ALK: variants seen among roughly 807,000 people sequenced by gnomAD.
ALK encodes the protein ALK receptor tyrosine kinase.
ALK carries 74 observed loss-of-function variants against 163.1 expected under a neutral mutation model. That is an observed-to-expected ratio of 0.45 (90% CI 0.38 to 0.55). The LOEUF is 0.55. Among genes scored for constraint, ALK ranks in the 20% least tolerant of loss-of-function variants. ALK has a pLI of 0.00. For synonymous variants in ALK, 960 were observed against 843.2 expected (o/e 1.14, Z -2.40); for missense variants, 2,063 against 2,105.3 (o/e 0.98, Z 0.39).
intron 3 of ALK, among the ~76,000 whole-genome samples, chr2:29,628,478 A>T (rs1195018447): frequency 6.6e-6 from 1 of 152,212 alleles, no homozygotes; most frequent in Non-Finnish European, 1.5e-5. Context: ...AGCCAAACTT[A>T]CGAGCTGGAG....
intron 1 of ALK, among the ~76,000 whole-genome samples, chr2:29,860,806 A>G (rs577839433): frequency 6.6e-6 from 1 of 152,224 alleles, no homozygotes; most frequent in Non-Finnish European, 1.5e-5. Flanking sequence ...AGGGAAATTT[A>G]AAAATATCTT....
chr2:29,230,206 C>T (rs1039872653), intron 15 of ALK, among the ~76,000 whole-genome samples: 2 of 152,032 alleles, frequency 1.3e-5, no homozygotes, highest in African/African-American at 2.4e-5. Context: ...ACATATAATA[C>T]CCAATACAGG....
chr2:29,605,533 C>G (rs576626209), intron 3 of ALK, among the ~76,000 whole-genome samples: 3 of 152,252 alleles, frequency 2.0e-5, no homozygotes, highest in African/African-American at 7.2e-5. Context: ...GATGAAGTCA[C>G]GAAAGGTGGG....
intron 1 of ALK, among the ~76,000 whole-genome samples, chr2:29,769,509 C>T (rs902625608): frequency 2.0e-5 from 3 of 152,136 alleles, no homozygotes; most frequent in Non-Finnish European, 2.9e-5. Context: ...AGGGCACAGA[C>T]GAGTGCACCA....
At chr2:29,701,378 T>G (rs1393152502) in intron 2 of ALK, among the ~76,000 whole-genome samples, 1 of 152,170 alleles carries the variant, frequency 6.6e-6, no homozygotes, top group Non-Finnish European at 1.5e-5. Context: ...TCCAGGTGAA[T>G]GTAGGGTGGC....
chr2:29,762,116 T>C (rs1011267444), intron 1 of ALK, among the ~76,000 whole-genome samples: 2 of 152,232 alleles, frequency 1.3e-5, no homozygotes, highest in East Asian at 3.8e-4. Flanking sequence ...TCTTTAAAGT[T>C]GGTTTTCCCT....
chr2:29,581,860 C>T (rs760442564), intron 3 of ALK, among the ~76,000 whole-genome samples: 1 of 152,200 alleles, frequency 6.6e-6, no homozygotes, highest in Non-Finnish European at 1.5e-5. Context: ...GTCCATCCTG[C>T]CTTGTTTCCT....
chr2:29,758,748 CT>C lies in ALK; in HGVS notation c.668-41052del, dbSNP rs1416525622. Among the ~76,000 whole-genome samples, 142 of 152,266 alleles carry C rather than the reference CT, an allele frequency of 9.3e-4. 2 individuals carry two copies. The highest frequency in any genetic ancestry group is 9.1e-3 in the Admixed American group (139 of 15,300). Reference sequence around the variant, plus strand: ...CATTCTTCTTCTTCAATTAAAAAGGCTTTAGCCAAAATGAATTCCTACCTCT... The same window carrying C: ...CATTCTTCTTCTTCAATTAAAAAGGCTTAGCCAAAATGAATTCCTACCTCT... On this transcript the variant is annotated intron_variant, in intron 1 of 28. Transcript: ENST00000389048.
intron 4 of ALK, among the ~76,000 whole-genome samples, chr2:29,501,634 C>T (rs923573190): frequency 6.6e-6 from 1 of 152,196 alleles, no homozygotes; most frequent in Admixed American, 6.5e-5. Flanking sequence ...TTGCCTCAAG[C>T]TCTCTCTGGA....
chr2:29,535,678 A>G (rs781506060), intron 3 of ALK, among the ~76,000 whole-genome samples: 3 of 152,186 alleles, frequency 2.0e-5, no homozygotes, highest in Non-Finnish European at 4.4e-5. Flanking sequence ...TGGAATCAGA[A>G]GGACTAAACT....
intron 5 of ALK, among the ~76,000 whole-genome samples, chr2:29,362,642 C>T (rs1468254221): frequency 6.6e-6 from 1 of 152,178 alleles, no homozygotes; most frequent in Non-Finnish European, 1.5e-5. Context: ...TCATCCTTCA[C>T]ACAGTCACTG....
In ALK at chr2:29,475,095, G is replaced by A. The variant is rs1225014794; in HGVS notation, c.1154+56820C>T. On this transcript the variant is annotated intron_variant, in intron 4 of 28. Coordinates refer to ENST00000389048, the MANE Select transcript of ALK (RefSeq NM_004304.5). ...TCACTCATCTTCCCTATGAGTCTCT[G>A]AGCCCTTCCGCTGACTTCCTGCAGA... 4.6e-5 allele frequency among the ~76,000 whole-genome samples: 7 copies of A among 152,168 alleles called. No individual in the cohort carries two copies. In the East Asian group the frequency reaches 1.4e-3, roughly 30 times the overall value.
intron 1 of ALK, among the ~76,000 whole-genome samples, chr2:29,803,815 C>T (rs1038947247): frequency 3.3e-5 from 5 of 152,122 alleles, no homozygotes; most frequent in Admixed American, 1.3e-4. Context: ...CCCTTTGGTG[C>T]GTCATGCCTC....
intron 3 of ALK, among the ~76,000 whole-genome samples, chr2:29,583,725 C>T (rs1674793106): frequency 6.6e-6 from 1 of 152,124 alleles, no homozygotes; most frequent in Non-Finnish European, 1.5e-5. Context: ...CAGTCACACT[C>T]ACCTGATGAA....
intron 11 of ALK, among the ~76,000 whole-genome samples, chr2:29,252,541 G>T (rs1397959118): frequency 6.6e-6 from 1 of 152,180 alleles, no homozygotes; most frequent in Non-Finnish European, 1.5e-5. Flanking sequence ...AGACTGCCAT[G>T]GGCAGGGTTG....
intron 3 of ALK, among the ~76,000 whole-genome samples, chr2:29,548,056 A>G (rs951475530): frequency 2.0e-5 from 3 of 152,212 alleles, no homozygotes; most frequent in African/African-American, 4.8e-5. Context: ...CTGTGGGGAA[A>G]GTTTCCCCTT....
intron 3 of ALK, among the ~76,000 whole-genome samples, chr2:29,595,191 TTTC>T (rs1049755562): frequency 5.3e-5 from 8 of 152,188 alleles, no homozygotes; most frequent in African/African-American, 1.2e-4. Flanking sequence ...TTCTACTTTT[TTTC>T]TTCTTCTTCA....
intron 3 of ALK, among the ~76,000 whole-genome samples, chr2:29,588,185 C>G (rs1307564826): frequency 6.6e-6 from 1 of 152,146 alleles, no homozygotes; most frequent in Non-Finnish European, 1.5e-5. Context: ...ATAAATTATA[C>G]ATTATCCTAG....
intron 5 of ALK, among the ~76,000 whole-genome samples, chr2:29,345,230 C>A (rs1440167970): frequency 1.3e-5 from 2 of 151,768 alleles, no homozygotes; most frequent in African/African-American, 2.4e-5. Context: ...CTTGTCTCTA[C>A]TAAAAATACA....
Sources: gnomAD v4.1 joint callset for allele counts (sites outside exome capture counted in the v4.1 genomes callset) on GRCh38, gnomAD v4.1.1 for gene constraint, MANE v1.5 for transcripts, NCBI Gene and HGNC (gene_info 2026-07-23, HGNC 2026-07-21) for gene names.